SHISA9: variants seen among roughly 807,000 people sequenced by gnomAD.
The protein encoded by SHISA9 is protein shisa-9.
A neutral mutation model predicts 38.0 loss-of-function variants in SHISA9; 13 were observed. That is an observed-to-expected ratio of 0.34 (90% CI 0.22 to 0.54). SHISA9 has a LOEUF of 0.54. Among genes scored for constraint, SHISA9 ranks in the 20% least tolerant of loss-of-function variants. The pLI is 0.91. For missense variants in SHISA9, 538 were observed against 575.8 expected (o/e 0.93, Z 0.67); for synonymous variants, 275 against 242.0 (o/e 1.14, Z -1.27).
chr16:12,943,316 TGTGTGTGTGTGTGTGAGAGAGAGAGA>T (rs2071641232), intron 2 of SHISA9, among the ~76,000 whole-genome samples: 9 of 37,356 alleles, frequency 2.4e-4, no homozygotes, highest in South Asian at 1.1e-3. Flanking sequence ...TGTGTGTGTG[TGTGTGTGTGTGTGTGAGAGAGAGAGA>T]GAGAGAGAGA....
intron 2 of SHISA9, among the ~76,000 whole-genome samples, chr16:12,933,246 A>C (rs1219988084): frequency 1.3e-5 from 2 of 152,090 alleles, no homozygotes; most frequent in Admixed American, 6.6e-5. Context: ...CACATATCAG[A>C]ACTGCATTCC....
the SHISA9 span, among the ~76,000 whole-genome samples, chr16:13,535,691 G>A: frequency 1.3e-5 from 2 of 151,362 alleles, no homozygotes; most frequent in East Asian, 2.0e-4. Context: ...ATGCCCATGA[G>A]GCTTTCCTGG....
intron 3 of SHISA9, chr16:13,204,783 C>G (rs2051047353): frequency 6.6e-6 from 1 of 152,218 alleles, no homozygotes; most frequent in Non-Finnish European, 1.5e-5. Flanking sequence ...AACTGAGACT[C>G]TAAGAGGCTA....
At chr16:13,064,097 G>A (rs1051388267) in intron 2 of SHISA9, among the ~76,000 whole-genome samples, 37 of 152,126 alleles carry the variant, frequency 2.4e-4, no homozygotes, top group Admixed American at 1.4e-3. Flanking sequence ...TTGAGATGGA[G>A]TCTCACTGTG....
At chr16:13,121,231 G>A (rs187190243) in intron 2 of SHISA9, among the ~76,000 whole-genome samples, 35 of 152,240 alleles carry the variant, frequency 2.3e-4, no homozygotes, top group African/African-American at 7.7e-4. Flanking sequence ...GCTCACGCCC[G>A]TAATCACAGC....
the SHISA9 span, among the ~76,000 whole-genome samples, chr16:13,518,769 C>A: frequency 6.6e-6 from 1 of 152,180 alleles, no homozygotes; most frequent in African/African-American, 2.4e-5. Flanking sequence ...CAACAGACTG[C>A]GCAATTTATA....
At chr16:12,947,436 T>C (rs1422340509) in intron 2 of SHISA9, among the ~76,000 whole-genome samples, 2 of 152,112 alleles carry the variant, frequency 1.3e-5, no homozygotes, top group Non-Finnish European at 2.9e-5. Flanking sequence ...CAAACGTAAT[T>C]ATTTGGAGCA....
chr16:13,039,485 GT>G (rs5815735), intron 2 of SHISA9, among the ~76,000 whole-genome samples: 4,236 of 126,612 alleles, frequency 0.033, 85 homozygotes, highest in East Asian at 0.12. Flanking sequence ...ATGTCATGGG[GT>G]TTTTTTTTTT....
chr16:13,528,380 A>G, the SHISA9 span, among the ~76,000 whole-genome samples: 1 of 152,014 alleles, frequency 6.6e-6, no homozygotes, highest in Non-Finnish European at 1.5e-5. Flanking sequence ...AGTGAAGGAA[A>G]GTGCAAAGAA....
the SHISA9 span, among the ~76,000 whole-genome samples, chr16:13,440,060 G>A: frequency 6.6e-6 from 1 of 152,166 alleles, no homozygotes; most frequent in African/African-American, 2.4e-5. Flanking sequence ...TATACTCGTT[G>A]GTAAGTTTAT....
intron 2 of SHISA9, among the ~76,000 whole-genome samples, chr16:12,930,336 T>C (rs887496719): frequency 6.6e-6 from 1 of 152,240 alleles, no homozygotes; most frequent in African/African-American, 2.4e-5. Context: ...AGTGCTGTTA[T>C]CAGAGTCTAG....
intron 2 of SHISA9, among the ~76,000 whole-genome samples, chr16:13,035,135 G>A (rs2073039184): frequency 6.6e-6 from 1 of 152,090 alleles, no homozygotes. Flanking sequence ...TGTTATTATG[G>A]TAACAGAAAA....
At chr16:12,964,229 C>T (rs2071949050) in intron 2 of SHISA9, among the ~76,000 whole-genome samples, 1 of 152,182 alleles carries the variant, frequency 6.6e-6, no homozygotes, top group African/African-American at 2.4e-5. Context: ...AATGTGTCCA[C>T]TGTTTTCACA....
chr16:13,038,259 G>A (rs1434120353), intron 2 of SHISA9, among the ~76,000 whole-genome samples: 1 of 152,206 alleles, frequency 6.6e-6, no homozygotes, highest in Non-Finnish European at 1.5e-5. Flanking sequence ...CAAAGTGCTG[G>A]GATTACAGGC....
chr16:13,099,063 A>T (rs532591840), intron 2 of SHISA9, among the ~76,000 whole-genome samples: 5 of 152,390 alleles, frequency 3.3e-5, no homozygotes, highest in African/African-American at 1.2e-4. Context: ...TGGCATTGGC[A>T]AGCTATGGCC....
the SHISA9 span, among the ~76,000 whole-genome samples, chr16:13,538,523 C>A: frequency 6.6e-6 from 1 of 152,140 alleles, no homozygotes; most frequent in Non-Finnish European, 1.5e-5. Flanking sequence ...TTTAAACTTT[C>A]AACTAAGTTC....
chr16:13,404,942 G>A, the SHISA9 span, among the ~76,000 whole-genome samples: 1 of 152,202 alleles, frequency 6.6e-6, no homozygotes, highest in Admixed American at 6.5e-5. Context: ...CACAGTCATA[G>A]ATGTGATGCC....
the SHISA9 span, among the ~76,000 whole-genome samples, chr16:13,404,318 C>T: frequency 3.9e-5 from 6 of 152,022 alleles, no homozygotes; most frequent in Non-Finnish European, 5.9e-5. Flanking sequence ...AAAAGAAATA[C>T]GAAAATGAAA....
chr16:13,232,057 G>C (rs560446492), intron 4 of SHISA9, among the ~76,000 whole-genome samples: 1 of 152,344 alleles, frequency 6.6e-6, no homozygotes, highest in South Asian at 2.1e-4. Context: ...AGATATTGAA[G>C]ATATGAAGGA....
Sources: allele counts gnomAD v4.1 joint callset (sites outside exome capture counted in the v4.1 genomes callset), GRCh38; gene constraint gnomAD v4.1.1; transcripts MANE v1.5; gene names NCBI Gene and HGNC (gene_info 2026-07-23, HGNC 2026-07-21).